The following SLC27A2 variants were observed in gnomAD, a reference collection of about 807,000 sequenced individuals.
SLC27A2 encodes the protein solute carrier family 27 member 2, also known as long-chain fatty acid transport protein 2.
A neutral mutation model predicts 60.0 loss-of-function variants in SLC27A2; 54 were observed. The observed-to-expected ratio is 0.90, with a 90% CI of 0.72 to 1.13. SLC27A2 has a LOEUF of 1.13. SLC27A2 is among the 50% of genes most tolerant of loss of function. SLC27A2 has a pLI of 0.00. For missense variants in SLC27A2, 739 were observed against 777.6 expected, an observed-to-expected ratio of 0.95 and a Z score of 0.59; for synonymous variants, 297 against 297.6, an observed-to-expected ratio of 1.00 and a Z score of 0.02.
chr15:50,216,435 A>T (rs1178474121), intron 4 of SLC27A2, among the ~76,000 whole-genome samples: 1 of 151,818 alleles, frequency 6.6e-6, no homozygotes, highest in African/African-American at 2.4e-5. Context: ...ACTACCATTG[A>T]TCCAGCAATC....
In SLC27A2 at chr15:50,202,474, T is replaced by C. The variant is rs1429368040; in HGVS notation, c.689-13T>C. ...CTTGGTTAACTCATGCCTTCTCTTG[T>C]ATATTTACAAAGGTCTTCCAAAAGC... On this transcript the variant is annotated splice_polypyrimidine_tract_variant and intron_variant, in intron 2 of 9. Transcript: ENST00000267842. 1 of 1,613,886 alleles carries C rather than the reference T, an allele frequency of 6.2e-7. No individual in the cohort carries two copies. Among genetic ancestry groups the C allele is most frequent in the Admixed American group, 1.7e-5 (1 of 60,002 alleles).
At chr15:50,195,259 G>A (rs144485089) in intron 1 of SLC27A2, among the ~76,000 whole-genome samples, 2,617 of 148,870 alleles carry the variant, frequency 0.018, 37 homozygotes, top group Non-Finnish European at 0.028. Flanking sequence ...GAGGTCAGGA[G>A]ATCGAGACCA....
chr15:50,186,494 G>A (rs534661389), intron 1 of SLC27A2, among the ~76,000 whole-genome samples: 3 of 152,226 alleles, frequency 2.0e-5, no homozygotes, highest in Admixed American at 6.5e-5. Context: ...TGGAGGTGCC[G>A]TGGCGCGATC....
At chr15:50,235,837 C>A in intron 9 of SLC27A2, 83 bp from the exon 10 acceptor site, 1 of 1,011,450 alleles carries the variant, frequency 9.9e-7, no homozygotes, top group African/African-American at 1.6e-5. Context: ...TGCTAGATCC[C>A]CATGCCCCAC....
intron 1 of SLC27A2, among the ~76,000 whole-genome samples, chr15:50,197,063 CTA>C (rs772119174): frequency 5.3e-5 from 8 of 152,160 alleles, no homozygotes; most frequent in Non-Finnish European, 1.2e-4. Flanking sequence ...GCCCATATGT[CTA>C]TTGGTTTGCA....
chr15:50,211,440 A>G (rs2045153731), intron 4 of SLC27A2, among the ~76,000 whole-genome samples: 2 of 152,196 alleles, frequency 1.3e-5, no homozygotes, highest in South Asian at 4.1e-4. Flanking sequence ...GGAGAGTATT[A>G]CATCAAAGGA....
chr15:50,229,158 G>A (rs1433603523), intron 8 of SLC27A2, 116 bp downstream of exon 8: 2 of 673,608 alleles, frequency 3.0e-6, no homozygotes, highest in African/African-American at 3.6e-5. Context: ...AGTTCTTTCA[G>A]CTGCCAGGGA....
intron 3 of SLC27A2, 100 bp downstream of exon 3, chr15:50,202,745 C>A: frequency 8.2e-7 from 1 of 1,225,638 alleles, no homozygotes; most frequent in Non-Finnish European, 1.2e-6. Flanking sequence ...CTGCTAGGAA[C>A]AGTTTTCAAT....
chr15:50,232,989 G>T (rs1328594793), intron 8 of SLC27A2, among the ~76,000 whole-genome samples: 1 of 152,202 alleles, frequency 6.6e-6, no homozygotes, highest in Admixed American at 6.5e-5. Flanking sequence ...CTCCCGCTGG[G>T]TCTGCTGGAT....
chr15:50,216,854 ATCCATAAATATATATATAT>A (rs929416418), intron 4 of SLC27A2, among the ~76,000 whole-genome samples: 3 of 146,768 alleles, frequency 2.0e-5, no homozygotes, highest in Admixed American at 6.9e-5. Flanking sequence ...TAGTACATAT[ATCCATAAATATATATATAT>A]TCCATAAAAA....
intron 2 of SLC27A2, among the ~76,000 whole-genome samples, chr15:50,200,348 A>G (rs2045054283): frequency 6.6e-6 from 1 of 152,138 alleles, no homozygotes; most frequent in South Asian, 2.1e-4. Flanking sequence ...GGATCACTTG[A>G]CCTGAGGCTG....
chr15:50,194,087 A>G (rs1216960751), intron 1 of SLC27A2, among the ~76,000 whole-genome samples: 2 of 152,156 alleles, frequency 1.3e-5, no homozygotes, highest in Non-Finnish European at 2.9e-5. Context: ...TTGACGCTGC[A>G]GTAAGCCATG....
chr15:50,200,288 C>T (rs184461859), intron 2 of SLC27A2, among the ~76,000 whole-genome samples: 8 of 152,162 alleles, frequency 5.3e-5, no homozygotes, highest in Non-Finnish European at 8.8e-5. Context: ...AACAGCCAGG[C>T]ATGGTGGTGC....
chr15:50,195,345 G>C (rs1299756032), intron 1 of SLC27A2, among the ~76,000 whole-genome samples: 3 of 149,988 alleles, frequency 2.0e-5, no homozygotes, highest in African/African-American at 5.0e-5. Context: ...AAACAAATTA[G>C]CCAGGTGTGG....
intron 4 of SLC27A2, among the ~76,000 whole-genome samples, chr15:50,215,372 G>A (rs2045187640): frequency 6.6e-6 from 1 of 152,088 alleles, no homozygotes; most frequent in Non-Finnish European, 1.5e-5. Flanking sequence ...TCAATATTGT[G>A]AAAATGACCA....
At chr15:50,222,050 A>G (rs1242591847) in intron 4 of SLC27A2, 1 of 152,274 alleles carries the variant, frequency 6.6e-6, no homozygotes, top group African/African-American at 2.4e-5. Context: ...TGGCATGGAC[A>G]TATTTGTGGG....
chr15:50,197,467 AGTTT>A (rs1567428774), intron 1 of SLC27A2, 29 bp from the exon 2 acceptor site: 12 of 1,498,994 alleles, frequency 8.0e-6, no homozygotes, highest in Admixed American at 1.7e-5. Flanking sequence ...AGACTGATTT[AGTTT>A]GTTTTGATAT....
intron 4 of SLC27A2, among the ~76,000 whole-genome samples, chr15:50,216,064 C>T (rs931716845): frequency 3.9e-5 from 6 of 152,148 alleles, no homozygotes; most frequent in African/African-American, 1.4e-4. Context: ...ATCTATACAC[C>T]TGACAAAGGA....
chr15:50,228,016 T>A (rs968920166), intron 7 of SLC27A2, among the ~76,000 whole-genome samples: 1 of 152,214 alleles, frequency 6.6e-6, no homozygotes, highest in Non-Finnish European at 1.5e-5. Flanking sequence ...TACTATTCCA[T>A]GTCTTAAGAT....
Sources: gnomAD v4.1 joint callset for allele counts (sites outside exome capture counted in the v4.1 genomes callset) on GRCh38, gnomAD v4.1.1 for gene constraint, MANE v1.5 for transcripts, NCBI Gene and HGNC (gene_info 2026-07-23, HGNC 2026-07-21) for gene names.